KLRG1: variants seen among roughly 807,000 people sequenced by gnomAD.
KLRG1 encodes killer cell lectin-like receptor subfamily G member 1.
A neutral mutation model predicts 21.8 loss-of-function variants in KLRG1; 16 were observed. The ratio of observed to expected loss-of-function variants is 0.73; its 90% confidence interval spans 0.50 to 1.11. KLRG1 has a LOEUF of 1.11. Among genes scored for constraint, KLRG1 ranks in the 50% most tolerant of loss-of-function variants. The probability of loss-of-function intolerance (pLI) is 0.00; values close to 1 mark genes in which losing one functional copy is unlikely to be tolerated. For synonymous variants in KLRG1, 69 were observed against 75.9 expected (o/e 0.91, Z 0.47); for missense variants, 173 against 218.3 (o/e 0.79, Z 1.31).
chr12:9,143,335 G>A, the KLRG1 span, among the ~76,000 whole-genome samples: 3 of 152,178 alleles, frequency 2.0e-5, no homozygotes, highest in African/African-American at 7.2e-5. Context: ...TTGACTGGTT[G>A]AAGCAGTTTT....
At chr12:9,117,715 A>G in the KLRG1 span, among the ~76,000 whole-genome samples, 4 of 152,208 alleles carry the variant, frequency 2.6e-5, no homozygotes, top group Non-Finnish European at 4.4e-5. Flanking sequence ...AGTGTGGTCT[A>G]CTAGAAATAG....
At chr12:9,152,394 G>C in the KLRG1 span, 1 of 995,726 alleles carries the variant, frequency 1.0e-6, no homozygotes, top group Non-Finnish European at 1.6e-6. Context: ...CTTTAAGCCT[G>C]TCTGTCTTCA....
the KLRG1 span, among the ~76,000 whole-genome samples, chr12:9,059,802 C>A: frequency 7.3e-4 from 111 of 152,226 alleles, 1 homozygote; most frequent in South Asian, 1.7e-3. Flanking sequence ...ACCTCAGCCT[C>A]CTGAGTAGCT....
chr12:9,175,841 GC>G, the KLRG1 span, among the ~76,000 whole-genome samples: 12,559 of 152,160 alleles, frequency 0.083, 709 homozygotes, highest in African/African-American at 0.16. Context: ...AAAAAGGAAT[GC>G]TTTTTTTACT....
At chr12:9,153,080 G>A in the KLRG1 span, 1 of 1,606,846 alleles carries the variant, frequency 6.2e-7, no homozygotes, top group Non-Finnish European at 8.5e-7. Context: ...ATTTCAATTG[G>A]CAAGTTTAAA....
the KLRG1 span, chr12:9,112,429 G>A: frequency 6.2e-7 from 1 of 1,613,882 alleles, no homozygotes; most frequent in South Asian, 1.1e-5. Context: ...AGACCAGACT[G>A]TCCTCGTTCT....
chr12:9,105,487 C>T, the KLRG1 span, among the ~76,000 whole-genome samples: 4 of 152,168 alleles, frequency 2.6e-5, no homozygotes, highest in African/African-American at 9.7e-5. Context: ...CTTTTACACC[C>T]TTCATAGCTG....
chr12:9,075,772 C>T, the KLRG1 span, among the ~76,000 whole-genome samples: 11 of 152,196 alleles, frequency 7.2e-5, no homozygotes, highest in African/African-American at 2.2e-4. Flanking sequence ...GGAATTGTAA[C>T]GACAAATTCA....
At chr12:9,122,078 T>G in the KLRG1 span, among the ~76,000 whole-genome samples, 1 of 152,248 alleles carries the variant, frequency 6.6e-6, no homozygotes, top group Non-Finnish European at 1.5e-5. Context: ...TTGTTTATAC[T>G]GTATCTTTAT....
the KLRG1 span, chr12:9,135,401 T>C: frequency 5.8e-6 from 2 of 344,616 alleles, no homozygotes; most frequent in Non-Finnish European, 1.1e-5. Flanking sequence ...CACCTCAACC[T>C]ATGAGATGTC....
chr12:9,141,859 C>T, the KLRG1 span, among the ~76,000 whole-genome samples: 2 of 152,202 alleles, frequency 1.3e-5, no homozygotes, highest in African/African-American at 4.8e-5. Flanking sequence ...TAAGGTCCGA[C>T]TTATTCCAGC....
At chr12:9,109,394 A>G in the KLRG1 span, 6 of 1,612,474 alleles carry the variant, frequency 3.7e-6, no homozygotes, top group East Asian at 2.2e-5. Flanking sequence ...TGTACTTCAA[A>G]CTTGGGAAGA....
the KLRG1 span, among the ~76,000 whole-genome samples, chr12:9,136,218 C>T: frequency 6.6e-6 from 1 of 152,170 alleles, no homozygotes; most frequent in African/African-American, 2.4e-5. Flanking sequence ...GTGGTGTTGG[C>T]ACCAGCCAGC....
the KLRG1 span, chr12:9,182,077 G>A: frequency 5.6e-5 from 90 of 1,613,434 alleles, no homozygotes; most frequent in African/African-American, 6.9e-4. Context: ...TGGGGGCAAC[G>A]TCTGACTCCA....
chr12:8,965,918 C>A (rs1437012004), intron 1 of KLRG1, among the ~76,000 whole-genome samples: 2 of 152,296 alleles, frequency 1.3e-5, no homozygotes, highest in East Asian at 3.9e-4. Flanking sequence ...GGAGGCATCA[C>A]GCTACCTGAA....
the KLRG1 span, among the ~76,000 whole-genome samples, chr12:9,198,093 C>G: frequency 1.3e-5 from 2 of 149,876 alleles, no homozygotes; most frequent in Non-Finnish European, 3.0e-5. Flanking sequence ...TGGCTCATGC[C>G]TGCAACCCCA....
rs769559742 is a variant in KLRG1, at chr12:8,989,718, G to A, written c.82+1G>A. 1 of 1,587,788 alleles carries A rather than the reference G, an allele frequency of 6.3e-7. No homozygotes were observed. Among genetic ancestry groups the A allele is most frequent in the Non-Finnish European group, 8.6e-7 (1 of 1,158,316 alleles). ...AATGACTATGGACCACAGCAAAAATGTGAGTTAACCAAGGTAGCATGGAAG... is the reference window on the plus strand; with the variant it reads ...AATGACTATGGACCACAGCAAAAATATGAGTTAACCAAGGTAGCATGGAAG... On this transcript the variant is annotated splice_donor_variant, in intron 1 of 4. Transcript: ENST00000356986. LOFTEE classifies it high-confidence loss of function.
At chr12:9,169,470 G>A in the KLRG1 span, 13 of 1,611,538 alleles carry the variant, frequency 8.1e-6, no homozygotes, top group Middle Eastern at 5.0e-4. Context: ...ACTTGATAAG[G>A]GAACATAGAT....
the KLRG1 span, among the ~76,000 whole-genome samples, chr12:9,017,296 GA>G: frequency 5.0e-5 from 5 of 100,142 alleles, no homozygotes; most frequent in Non-Finnish European, 8.6e-5. Flanking sequence ...AAAAAGAAAA[GA>G]AAAAAAATCC....
Sources: gnomAD v4.1 joint callset for allele counts (sites outside exome capture counted in the v4.1 genomes callset) on GRCh38, gnomAD v4.1.1 for gene constraint, MANE v1.5 for transcripts, NCBI Gene and HGNC (gene_info 2026-07-23, HGNC 2026-07-21) for gene names.